Variants in DNAH11 observed in about 807,000 individuals in gnomAD.
DNAH11 encodes dynein axonemal heavy chain 11.
Under a neutral mutation model 526.0 loss-of-function variants are expected in DNAH11, and 442 were observed. That is an observed-to-expected ratio of 0.84 (90% CI 0.78 to 0.91). The LOEUF (loss-of-function observed/expected upper bound fraction) is 0.91. DNAH11 is among the 40% of genes least tolerant of loss of function. DNAH11 has a pLI of 0.00. For missense variants in DNAH11, 6,989 were observed against 5,448.7 expected (o/e 1.28, Z -8.90); for synonymous variants, 2,461 against 1,935.9 (o/e 1.27, Z -7.12).
At chr7:21,838,826 G>A (rs1174445683) in intron 65 of DNAH11, among the ~76,000 whole-genome samples, 2 of 151,734 alleles carry the variant, frequency 1.3e-5, no homozygotes, top group East Asian at 1.9e-4. Flanking sequence ...ACCTCCCAAG[G>A]CTCAGGTGAT....
At chr7:21,693,847 G>C (rs1248363343) in intron 35 of DNAH11, among the ~76,000 whole-genome samples, 1 of 152,130 alleles carries the variant, frequency 6.6e-6, no homozygotes, top group Non-Finnish European at 1.5e-5. Flanking sequence ...AAGTTCCAGA[G>C]GCTGTACAGG....
chr7:21,543,872 C>G, intron 1 of DNAH11: 4 of 480,028 alleles, frequency 8.3e-6, no homozygotes, highest in South Asian at 6.1e-5. Flanking sequence ...AACACCAGCG[C>G]TTTCTTTAGC....
chr7:21,681,915 C>CA (rs1377395686), intron 31 of DNAH11, among the ~76,000 whole-genome samples: 2 of 152,010 alleles, frequency 1.3e-5, no homozygotes, highest in Admixed American at 6.6e-5. Context: ...ATCAGATCAT[C>CA]AAAAAAAATT....
Position 21,658,914 on chromosome 7 carries a change from CCCAGCTCAGGTTGCACTAA to C in DNAH11, c.5220_5238del (p.Gln1740HisfsTer9), listed in dbSNP as rs1375876319. On this transcript the variant is annotated frameshift_variant, in exon 30 of 82. Transcript: ENST00000409508. LOFTEE classifies it high-confidence loss of function. ...CTAGGGAACTGTGGATTTTTGATTT[CCCAGCTCAGGTTGCACTAA>C]CCAGCTCACAAATATGGTGGACCAC... The C allele has an allele frequency of 1.2e-6, 2 of 1,610,210 alleles. No individual in the cohort carries two copies. Among genetic ancestry groups the C allele is most frequent in the Non-Finnish European group, 8.5e-7 (1 of 1,178,380 alleles).
intron 14 of DNAH11, among the ~76,000 whole-genome samples, chr7:21,597,066 T>TCAGCGAGTGACTC (rs1344765782): frequency 6.6e-6 from 1 of 152,172 alleles, no homozygotes; most frequent in Non-Finnish European, 1.5e-5. Flanking sequence ...TGGTGGCATG[T>TCAGCGAGTGACTC]CAGCGAGTGG....
intron 14 of DNAH11, among the ~76,000 whole-genome samples, chr7:21,592,894 G>A (rs1784739108): frequency 6.6e-6 from 1 of 152,206 alleles, no homozygotes. Flanking sequence ...AAAAAAAAAG[G>A]AGGTTTGGTT....
chr7:21,738,675 T>G lies in DNAH11; in HGVS notation c.7646-26T>G, dbSNP rs747543155. 6.5e-6 allele frequency: 10 copies of G among 1,535,892 alleles called. No individual in the cohort carries two copies. The Admixed American group carries it at 1.1e-4, about 17-fold the overall frequency. ...TGAACATTTACATTCTGTTGATGGG[T>G]GGACAGAAATATATGTTTATTTCAG... On this transcript the variant is annotated intron_variant, in intron 46 of 81. Coordinates refer to ENST00000409508, the MANE Select transcript of DNAH11 (RefSeq NM_001277115.2).
intron 35 of DNAH11, among the ~76,000 whole-genome samples, 186 bp from the exon 36 acceptor site, chr7:21,697,889 G>T (rs2063509428): frequency 6.6e-6 from 1 of 152,042 alleles, no homozygotes; most frequent in Non-Finnish European, 1.5e-5. Flanking sequence ...ATCATTTTTT[G>T]TGTCCAGTAA....
intron 65 of DNAH11, among the ~76,000 whole-genome samples, chr7:21,819,610 T>A (rs1789966649): frequency 6.6e-6 from 1 of 152,184 alleles, no homozygotes; most frequent in Admixed American, 6.5e-5. Flanking sequence ...ATCAGTGAAA[T>A]GCATGTTCTC....
chr7:21,710,699 A>G lies in DNAH11; in HGVS notation c.6830A>G (p.Asn2277Ser). 1 of 1,611,104 alleles carries G rather than the reference A, an allele frequency of 6.2e-7. No homozygotes were observed. Among genetic ancestry groups the G allele is most frequent in the Non-Finnish European group, 8.5e-7 (1 of 1,178,614 alleles). The change falls in exon 41 of 82, where the codon AAC (asparagine) becomes AGC (serine). Residue 2277 changes from asparagine to serine, a missense_variant. By Grantham distance (46) the Asn-to-Ser change is conservative. Coordinates refer to ENST00000409508, the MANE Select transcript of DNAH11 (RefSeq NM_001277115.2). ...IESLNTVMDDNKVLTLASNER... is the reference protein window; with the variant it reads ...IESLNTVMDDSKVLTLASNER... ...TCACTGAATACTGTAATGGATGATAACAAGGTGAATAAAACCTCTGTTCTC... is the reference window on the plus strand; with the variant it reads ...TCACTGAATACTGTAATGGATGATAGCAAGGTGAATAAAACCTCTGTTCTC...
chr7:21,807,015 A>G (rs1165762092), intron 62 of DNAH11, among the ~76,000 whole-genome samples: 3 of 152,330 alleles, frequency 2.0e-5, no homozygotes, highest in South Asian at 4.1e-4. Context: ...GCTACTCTTT[A>G]ATTAGTAGAA....
chr7:21,555,783 A>C (rs1389297275), intron 2 of DNAH11, among the ~76,000 whole-genome samples: 1 of 152,106 alleles, frequency 6.6e-6, no homozygotes. Context: ...GCAGGGATCC[A>C]GGACGCCTGG....
chr7:21,599,997 T>A lies in DNAH11; in HGVS notation c.2878T>A (p.Ser960Thr). 6.2e-7 allele frequency: 1 copy of A among 1,613,726 alleles called. No homozygotes were observed. The highest frequency in any genetic ancestry group is 1.1e-5 in the South Asian group (1 of 91,054). Residue 960 changes from serine to threonine, a missense_variant, in exon 15 of 82, where the codon TCC becomes ACC. Transcript: ENST00000409508. Reference protein sequence around the residue: ...LLPPEIVFKPSLDREAGDGFY... With the variant: ...LLPPEIVFKPTLDREAGDGFY... ...GCCTCCTGAGATTGTGTTTAAACCT[T>A]CCCTAGACAGAGAGGCTGGGGATGG...
intron 54 of DNAH11, among the ~76,000 whole-genome samples, chr7:21,763,340 A>AG: frequency 2.0e-5 from 1 of 51,150 alleles, no homozygotes; most frequent in Admixed American, 2.1e-4. Context: ...AGACTGTCTC[A>AG]AAAAAAAAAA....
intron 9 of DNAH11, among the ~76,000 whole-genome samples, chr7:21,583,838 C>T (rs566019573): frequency 6.6e-6 from 1 of 152,302 alleles, no homozygotes; most frequent in Non-Finnish European, 1.5e-5. Context: ...AGCTCATCAT[C>T]ACTGGTCATT....
rs1784556221 is a variant in DNAH11, at chr7:21,588,558, C to T, written c.1895C>T (p.Ser632Leu). The stretch of plus-strand genomic sequence containing the variant: ...CTTAACAAGAACATGCCATTTACCT[C>T]AGGAAATATGAAATGGGCCCAGCAG... ...VVLNKNMPFT[S>L]GNMKWAQQVL... Residue 632 changes from serine (S) to leucine (L), a missense_variant, in exon 11 of 82, where the codon TCA becomes TTA. By Grantham distance (145) the Ser-to-Leu change is moderately radical (BLOSUM62 -2). Transcript: ENST00000409508. 2 of 1,613,582 alleles carry T rather than the reference C, an allele frequency of 1.2e-6. No individual in the cohort carries two copies. The highest frequency in any genetic ancestry group is 1.7e-6 in the Non-Finnish European group (2 of 1,179,514).
chr7:21,782,918 AAAAAGAAAG>A (rs766413778), intron 57 of DNAH11, among the ~76,000 whole-genome samples: 431 of 144,812 alleles, frequency 3.0e-3, no homozygotes, highest in Non-Finnish European at 5.3e-3. Context: ...AAAAAAAAAA[AAAAAGAAAG>A]AAAGAAAGAG....
At chr7:21,749,873 A>T in intron 53 of DNAH11, 72 bp downstream of exon 53, 1 of 1,593,370 alleles carries the variant, frequency 6.3e-7, no homozygotes, top group African/African-American at 1.3e-5. Context: ...GTGAACTTTA[A>T]AGAGAGAGAA....
chr7:21,687,899 A>C (rs1783450985), intron 34 of DNAH11, among the ~76,000 whole-genome samples: 1 of 152,158 alleles, frequency 6.6e-6, no homozygotes, highest in African/African-American at 2.4e-5. Flanking sequence ...TACAAAATAA[A>C]TAAATTTTAA....
Sources: allele counts gnomAD v4.1 joint callset (sites outside exome capture counted in the v4.1 genomes callset), GRCh38; gene constraint gnomAD v4.1.1; transcripts MANE v1.5; gene names NCBI Gene and HGNC (gene_info 2026-07-23, HGNC 2026-07-21).